GEMIN8: variants seen among roughly 807,000 people sequenced by gnomAD.
The protein encoded by GEMIN8 is gem nuclear organelle associated protein 8, also known as gem-associated protein 8.
For missense variants in GEMIN8, 185 were observed against 205.9 expected (o/e 0.90, Z 0.62); for synonymous variants, 80 against 78.5 (o/e 1.02, Z -0.10).
the GEMIN8 span, among the ~76,000 whole-genome samples, chrX:14,000,792 A>T: frequency 1.8e-5 from 2 of 111,492 alleles, no homozygotes; most frequent in Non-Finnish European, 3.8e-5. Flanking sequence ...TTACAATCTA[A>T]CACCATATTA....
chrX:14,017,787 G>A (rs1042657207), intron 4 of GEMIN8, among the ~76,000 whole-genome samples: 5 of 112,080 alleles, frequency 4.5e-5, no homozygotes, highest in African/African-American at 1.6e-4. Context: ...CATAGGATTA[G>A]GATCCCTGTA....
At chrX:14,022,921 C>T (rs1358422081) in intron 2 of GEMIN8, among the ~76,000 whole-genome samples, 2 of 112,348 alleles carry the variant, frequency 1.8e-5, no homozygotes, top group Non-Finnish European at 3.8e-5. Flanking sequence ...AAATCAACCA[C>T]TTCTATATTT....
rs1320648699 is a variant in GEMIN8 at position 14,008,882 on chromosome X, A to T, written c.*31T>A. The stretch of plus-strand genomic sequence containing the variant: ...TAAAGAGCGTGTACCCAAAAGGAAG[A>T]AGGAGAGGCTGGGTACCCTGTGCCC... On this transcript the variant is annotated 3_prime_UTR_variant, in exon 5 of 5. Transcript: ENST00000680255. 1.7e-6 allele frequency: 2 copies of T among 1,184,000 alleles called. No homozygotes were observed. The highest frequency in any genetic ancestry group is 2.3e-6 in the Non-Finnish European group (2 of 873,920).
chrX:13,999,517 C>A, the GEMIN8 span, among the ~76,000 whole-genome samples: 2 of 111,180 alleles, frequency 1.8e-5, no homozygotes, highest in African/African-American at 6.5e-5. Context: ...CTCAGGTAAT[C>A]CGCCCGCCTC....
At position 14,020,172 on chromosome X, in the gene GEMIN8, T is replaced by C. The variant is rs1229582871; in HGVS notation, c.378A>G (p.Ser126=). The C allele has an allele frequency of 1.7e-6, 2 of 1,204,487 alleles. No individual in the cohort carries two copies. Among genetic ancestry groups the C allele is most frequent in the African/African-American group, 1.7e-5 (1 of 57,604 alleles). ...TCAGGTCACATTCTACCTCTGCATC[T>C]GACTCAGTCTCCATCTCTTCCTCTT... ...LSKEEEMETE[S]DAEVECDLSN... The change falls in exon 4 of 5, where the codon TCA becomes TCG. Residue 126 remains serine (S), a synonymous_variant. Coordinates refer to ENST00000680255, the MANE Select transcript of GEMIN8 (RefSeq NM_001042479.2).
chrX:13,997,910 A>G, the GEMIN8 span, among the ~76,000 whole-genome samples: 1 of 108,733 alleles, frequency 9.2e-6, no homozygotes, highest in Non-Finnish European at 1.9e-5. Flanking sequence ...AAAAAAAAAA[A>G]AAAAAAAAAA....
intron 4 of GEMIN8, among the ~76,000 whole-genome samples, chrX:14,011,413 T>C (rs1270024081): frequency 9.0e-6 from 1 of 110,817 alleles, no homozygotes; most frequent in Non-Finnish European, 1.9e-5. Flanking sequence ...AATCTCTCAT[T>C]CAAGGGCTAC....
chrX:14,003,911 AACT>A (rs1923055883), downstream of GEMIN8, among the ~76,000 whole-genome samples: 1 of 112,371 alleles, frequency 8.9e-6, no homozygotes, highest in East Asian at 2.8e-4. Context: ...GTGAAAGATA[AACT>A]ACTTTGTTAG....
chrX:13,989,813 G>A, the GEMIN8 span, among the ~76,000 whole-genome samples: 660 of 112,757 alleles, frequency 5.9e-3, 11 homozygotes, highest in East Asian at 0.099. Flanking sequence ...ATTTAGAGGA[G>A]TACTTGAGTG....
chrX:14,025,289 TG>T (rs745979903), intron 2 of GEMIN8, among the ~76,000 whole-genome samples: 50 of 109,566 alleles, frequency 4.6e-4, no homozygotes, highest in African/African-American at 1.3e-3. Flanking sequence ...TTTAGGCTTG[TG>T]GGCCACATAC....
chrX:14,014,036 C>A lies in GEMIN8; in HGVS notation c.473-4867G>T, dbSNP rs904069838. On this transcript the variant is annotated intron_variant, in intron 4 of 4. Transcript: ENST00000680255. ...ATAGTCCATAAAGGAAAAAAAAAAT[C>A]ATGGAAAGTTACCAGGACTTCAGAG... 9 of 744,784 alleles carry A rather than the reference C, an allele frequency of 1.2e-5. No homozygotes were observed. In the African/African-American group the frequency reaches 2.1e-4, roughly 17 times the overall value. 61.4% of individuals were successfully genotyped at this position (744,784 alleles called of 1,213,427 possible). A position where few individuals can be genotyped will look rare whatever the true frequency, so the allele number is the denominator to read the frequency against.
At chrX:14,029,529 C>A (rs970701822) in intron 1 of GEMIN8, 1 of 112,473 alleles carries the variant, frequency 8.9e-6, no homozygotes, top group Non-Finnish European at 1.9e-5. Flanking sequence ...CTTAAAGAGT[C>A]GTCCAGTGAT....
rs2147115232 is a variant in GEMIN8 at position 14,009,270 on chromosome X, C to T, written c.473-101G>A. 5.2e-5 allele frequency: 43 copies of T among 821,429 alleles called. 1 individual carries two copies. The South Asian group carries it at 9.9e-4, about 19-fold the overall frequency. The allele number at this position is 821,429 out of a possible 1,213,427, so 67.7% of individuals were successfully genotyped here. Reference sequence around the variant, plus strand: ...CTGCTGCTGGCCATGCCATCTGCAGCCCCCTAAGGTCCCTCATCTTTCCCT... The same window carrying T: ...CTGCTGCTGGCCATGCCATCTGCAGTCCCCTAAGGTCCCTCATCTTTCCCT... On this transcript the variant is annotated intron_variant, in intron 4 of 4. Coordinates refer to ENST00000680255, the MANE Select transcript of GEMIN8 (RefSeq NM_001042479.2).
At chrX:14,026,398 G>A in intron 1 of GEMIN8, 177 bp from the exon 2 acceptor site, 3 of 749,890 alleles carry the variant, frequency 4.0e-6, no homozygotes, top group Non-Finnish European at 4.7e-6. Context: ...AAAAAAACAG[G>A]GTTGAGGTCA....
Position 14,020,348 on chromosome X carries a change from T to C in GEMIN8, c.202A>G (p.Asn68Asp), listed in dbSNP as rs1427273816. The change falls in exon 4 of 5, where the codon AAT becomes GAT. Residue 68 changes from asparagine (N) to aspartate (D), a missense_variant. Transcript: ENST00000680255. ...AAGGACTGAGGATACGCAGCCTCAT[T>C]ATCGTAAGAGCTTTGGGGAAGAAGC... ...SALLPQSSYD[N>D]EAAYPQSFYD... 5 of 1,210,558 alleles carry C rather than the reference T, an allele frequency of 4.1e-6. No homozygotes were observed. Among genetic ancestry groups the C allele is most frequent in the Non-Finnish European group, 5.6e-6 (5 of 894,415 alleles).
the GEMIN8 span, among the ~76,000 whole-genome samples, chrX:13,999,506 C>T: frequency 0.014 from 1,570 of 110,790 alleles, 14 homozygotes; most frequent in Non-Finnish European, 0.018. Flanking sequence ...GAACTCTTGA[C>T]CTCAGGTAAT....
chrX:14,016,392 G>C (rs771789921), intron 4 of GEMIN8, among the ~76,000 whole-genome samples: 8 of 111,921 alleles, frequency 7.1e-5, no homozygotes, highest in Non-Finnish European at 1.5e-4. Context: ...GAATATCCTT[G>C]AAACAGAACT....
intron 4 of GEMIN8, among the ~76,000 whole-genome samples, chrX:14,019,315 G>C (rs145666685): frequency 8.9e-6 from 1 of 112,297 alleles, no homozygotes; most frequent in African/African-American, 3.2e-5. Flanking sequence ...TAATAGGAGA[G>C]CACAAAAGCT....
chrX:14,002,413 C>T (rs1923008743), downstream of GEMIN8, among the ~76,000 whole-genome samples: 1 of 111,146 alleles, frequency 9.0e-6, no homozygotes, highest in Non-Finnish European at 1.9e-5. Flanking sequence ...AGGTCAATTC[C>T]TCTTAGTTTA....
Sources: allele counts gnomAD v4.1 joint callset (sites outside exome capture counted in the v4.1 genomes callset), GRCh38; gene constraint gnomAD v4.1.1; transcripts MANE v1.5; gene names NCBI Gene and HGNC (gene_info 2026-07-23, HGNC 2026-07-21).